The following SMC6 variants were observed in gnomAD, a reference collection of about 807,000 sequenced individuals.
SMC6 encodes structural maintenance of chromosomes protein 6.
In SMC6, 79 loss-of-function variants were observed where a neutral mutation model predicts 142.2. The observed-to-expected ratio is 0.56, with a 90% CI of 0.46 to 0.67. The LOEUF is 0.67. SMC6 is among the 30% of genes least tolerant of loss of function. SMC6 has a pLI of 0.00. For missense variants in SMC6, 1,072 were observed against 1,284.0 expected (o/e 0.83, Z 2.52); for synonymous variants, 411 against 412.4 (o/e 1.00, Z 0.04).
intron 18 of SMC6, among the ~76,000 whole-genome samples, chr2:17,704,919 T>C (rs1668430313): frequency 6.6e-6 from 1 of 151,472 alleles, no homozygotes; most frequent in South Asian, 2.1e-4. Context: ...TTTTATCATA[T>C]ATAAACCTAA....
At chr2:17,680,646 A>T (rs1351907201) in intron 24 of SMC6, 1 of 152,190 alleles carries the variant, frequency 6.6e-6, no homozygotes. Flanking sequence ...CTCTTGGGTG[A>T]CCAGGTGTAC....
chr2:17,738,419 G>T, intron 4 of SMC6, 93 bp from the exon 5 acceptor site: 2 of 712,584 alleles, frequency 2.8e-6, no homozygotes, highest in Non-Finnish European at 4.4e-6. Context: ...TTATGAATGA[G>T]ACTCACTTTA....
chr2:17,711,630 T>C (rs1429692809), intron 16 of SMC6, among the ~76,000 whole-genome samples: 2 of 152,132 alleles, frequency 1.3e-5, no homozygotes, highest in African/African-American at 4.8e-5. Context: ...TGTATTTTTA[T>C]TTTATTTTTT....
At chr2:17,748,671 T>C (rs1670870230) in intron 2 of SMC6, among the ~76,000 whole-genome samples, 1 of 152,264 alleles carries the variant, frequency 6.6e-6, no homozygotes, top group South Asian at 2.1e-4. Context: ...TCTTCTCTGC[T>C]AACCACCCTC....
chr2:17,696,715 G>C (rs1038516666), intron 21 of SMC6, among the ~76,000 whole-genome samples: 2 of 152,106 alleles, frequency 1.3e-5, no homozygotes, highest in African/African-American at 4.8e-5. Context: ...TTAAAACAAT[G>C]CAAGTGTTAG....
chr2:17,713,817 C>A (rs1418781038), intron 16 of SMC6, among the ~76,000 whole-genome samples: 1 of 152,202 alleles, frequency 6.6e-6, no homozygotes, highest in Non-Finnish European at 1.5e-5. Flanking sequence ...ATTTTGCACA[C>A]AGAATTCTAT....
At chr2:17,751,557 G>A (rs1347032525) in intron 2 of SMC6, among the ~76,000 whole-genome samples, 1 of 152,078 alleles carries the variant, frequency 6.6e-6, no homozygotes, top group Non-Finnish European at 1.5e-5. Flanking sequence ...AGGCCAGTCA[G>A]TAGTAAAGGA....
chr2:17,671,781 A>T (rs1316285029), intron 25 of SMC6, among the ~76,000 whole-genome samples: 2 of 151,966 alleles, frequency 1.3e-5, no homozygotes, highest in Admixed American at 1.3e-4. Context: ...GCAACTAATA[A>T]AATTAACAGC....
At chr2:17,752,882 T>C (rs963685838) in intron 2 of SMC6, 96 bp downstream of exon 2, 3 of 268,986 alleles carry the variant, frequency 1.1e-5, no homozygotes, top group African/African-American at 2.3e-5. Flanking sequence ...TTTAATCTAC[T>C]ACTCGTGACA....
chr2:17,665,595 T>C lies in SMC6; in HGVS notation c.3180A>G (p.Lys1060=). The C allele has an allele frequency of 6.2e-7, 1 of 1,609,090 alleles. No homozygotes were observed. Among genetic ancestry groups the C allele is most frequent in the South Asian group, 1.1e-5 (1 of 90,340 alleles). Residue 1060 remains lysine, a synonymous_variant, in exon 28 of 28, where the codon AAA becomes AAG. Coordinates refer to ENST00000448223, the MANE Select transcript of SMC6 (RefSeq NM_001142286.2). The part of the protein sequence containing the change: ...PQSMSSLPSS[K]LIRILRMSDP... ...CAGACATTCGGAGAATTCTTATCAG[T>C]TTACTGGATGGAAGTGAACTAGAAG...
In SMC6 at chr2:17,745,894, G is replaced by C. The variant is rs757414392; in HGVS notation, c.53C>G (p.Pro18Arg). Reference sequence around the variant, plus strand: ...AAAATCCTCCAATTCTTCTTGTCTTGGCCTTTTGGCATTTTTAGGAGAGGA... The same window carrying C: ...AAAATCCTCCAATTCTTCTTGTCTTCGCCTTTTGGCATTTTTAGGAGAGGA... ...NFSSPKNAKR[P>R]RQEELEDFDK... The change falls in exon 3 of 28, where the codon CCA becomes CGA. Residue 18 changes from proline to arginine, a missense_variant. Pro to Arg is a moderately radical substitution (Grantham distance 103). This residue lies in a region of SMC6 where 994 missense variants were observed against 1,153.2 expected (regional missense o/e 0.86). Coordinates refer to ENST00000448223, the MANE Select transcript of SMC6 (RefSeq NM_001142286.2). 5.6e-6 allele frequency: 9 copies of C among 1,611,614 alleles called. No homozygotes were observed. The highest frequency in any genetic ancestry group is 1.3e-5 in the African/African-American group (1 of 74,818).
chr2:17,726,576 C>G, intron 7 of SMC6, 107 bp from the exon 8 acceptor site: 2 of 745,038 alleles, frequency 2.7e-6, no homozygotes, highest in Non-Finnish European at 4.4e-6. Context: ...TCAGGAAGGC[C>G]AAGCAATAGC....
At chr2:17,719,632 T>A (rs998796107) in intron 11 of SMC6, among the ~76,000 whole-genome samples, 10 of 152,288 alleles carry the variant, frequency 6.6e-5, no homozygotes, top group African/African-American at 1.7e-4. Context: ...CCTTACCTGA[T>A]GATAAGCTGA....
intron 9 of SMC6, among the ~76,000 whole-genome samples, chr2:17,722,865 A>C (rs1444873113): frequency 6.6e-6 from 1 of 152,130 alleles, no homozygotes; most frequent in African/African-American, 2.4e-5. Context: ...GACAACTCCC[A>C]AATTTTTATT....
At chr2:17,713,329 A>T in intron 16 of SMC6, 1 of 358,664 alleles carries the variant, frequency 2.8e-6, no homozygotes, top group East Asian at 8.0e-5. Flanking sequence ...CTAAACCCTT[A>T]AAGAAGGTAC....
At chr2:17,704,020 C>T (rs1668391606) in intron 18 of SMC6, among the ~76,000 whole-genome samples, 1 of 150,568 alleles carries the variant, frequency 6.6e-6, no homozygotes, top group Admixed American at 6.6e-5. Flanking sequence ...GTTCAAGGGT[C>T]AAATATACTT....
chr2:17,709,321 A>C, intron 16 of SMC6, among the ~76,000 whole-genome samples: 1 of 152,190 alleles, frequency 6.6e-6, no homozygotes. Flanking sequence ...AACTGAAGTA[A>C]AGTTTATTAC....
rs1419656590 is a variant in SMC6 at position 17,730,379 on chromosome 2, G to C, written c.543+699C>G. 2.2e-5 allele frequency among the ~76,000 whole-genome samples: 3 copies of C among 136,996 alleles called. No homozygotes were observed. The East Asian group carries it at 6.2e-4, about 28-fold the overall frequency. 89.9% of individuals were successfully genotyped at this position (136,996 alleles called of 152,430 possible). ...TTTCTTTAAGAATTTAGCAACTTTAGAAACTAAACACTCATCCAGAAAAAA... is the reference window on the plus strand; with the variant it reads ...TTTCTTTAAGAATTTAGCAACTTTACAAACTAAACACTCATCCAGAAAAAA... On this transcript the variant is annotated intron_variant, in intron 7 of 27. Coordinates refer to ENST00000448223, the MANE Select transcript of SMC6 (RefSeq NM_001142286.2).
intron 16 of SMC6, 125 bp from the exon 17 acceptor site, chr2:17,708,878 T>C (rs932146542): frequency 3.3e-6 from 1 of 300,914 alleles, no homozygotes; most frequent in Non-Finnish European, 5.9e-6. Context: ...TGGGGGAAAT[T>C]ATAAATAACA....
Sources: allele counts gnomAD v4.1 joint callset (sites outside exome capture counted in the v4.1 genomes callset), GRCh38; gene constraint gnomAD v4.1.1; regional missense constraint gnomAD v4.1.1; transcripts MANE v1.5; gene names NCBI Gene and HGNC (gene_info 2026-07-23, HGNC 2026-07-21).